WIPF2: variants seen among roughly 807,000 people sequenced by gnomAD.
WIPF2 encodes the protein WAS/WASL interacting protein family member 2.
Under a neutral mutation model 38.8 loss-of-function variants are expected in WIPF2, and 23 were observed. That is an observed-to-expected ratio of 0.59 (90% confidence interval 0.43 to 0.84). WIPF2 has a LOEUF of 0.84. WIPF2 is among the 40% of genes least tolerant of loss of function. The probability of loss-of-function intolerance (pLI) is 0.00; values close to 1 mark genes in which losing one functional copy is unlikely to be tolerated. For missense variants in WIPF2, 574 were observed against 580.5 expected (o/e 0.99, Z 0.11); for synonymous variants, 210 against 223.2 (o/e 0.94, Z 0.53).
chr17:40,233,111 T>C (rs1458058885), intron 1 of WIPF2, among the ~76,000 whole-genome samples: 3 of 152,242 alleles, frequency 2.0e-5, no homozygotes, highest in African/African-American at 7.2e-5. Flanking sequence ...GCCAGCCTGC[T>C]GCCATTTGAG....
At chr17:40,222,573 A>ATG (rs1009655826) in intron 1 of WIPF2, among the ~76,000 whole-genome samples, 2 of 140,052 alleles carry the variant, frequency 1.4e-5, no homozygotes, top group South Asian at 4.6e-4. Context: ...AGCCTTGCTC[A>ATG]TGTGTGTGTG....
At chr17:40,225,041 C>T (rs899190468) in intron 1 of WIPF2, among the ~76,000 whole-genome samples, 6 of 151,922 alleles carry the variant, frequency 3.9e-5, no homozygotes, top group African/African-American at 1.5e-4. Context: ...CGTTCCATGT[C>T]AAAATGAGGT....
intron 1 of WIPF2, among the ~76,000 whole-genome samples, chr17:40,226,041 A>AGTAATTAT (rs747094698): frequency 1.7e-4 from 26 of 152,194 alleles, no homozygotes; most frequent in Non-Finnish European, 3.2e-4. Flanking sequence ...GTTTTTAGCA[A>AGTAATTAT]GTAATTATGA....
intron 5 of WIPF2, 128 bp from the exon 6 acceptor site, chr17:40,273,662 G>A (rs2032305627): frequency 1.6e-6 from 1 of 639,222 alleles, no homozygotes; most frequent in African/African-American, 1.9e-5. Flanking sequence ...CAAGTAATAA[G>A]GACAAAGGGG....
At chr17:40,261,035 TA>T (rs34087528) in intron 3 of WIPF2, among the ~76,000 whole-genome samples, 16,465 of 93,550 alleles carry the variant, frequency 0.18, 1,078 homozygotes, top group East Asian at 0.29. Flanking sequence ...CTCAAAAAGG[TA>T]AAAAAAAAAA....
At chr17:40,275,705 A>G (rs2032376548) in intron 6 of WIPF2, among the ~76,000 whole-genome samples, 1 of 152,102 alleles carries the variant, frequency 6.6e-6, no homozygotes, top group Non-Finnish European at 1.5e-5. Flanking sequence ...AGCTGGGACC[A>G]CAGGTGTGCA....
chr17:40,232,739 A>G (rs2145295478), intron 1 of WIPF2, among the ~76,000 whole-genome samples: 1 of 151,272 alleles, frequency 6.6e-6, no homozygotes, highest in African/African-American at 2.4e-5. Context: ...TCCTGGTTCA[A>G]GCGATTCTCC....
Position 40,250,607 on chromosome 17 carries a change from C to T in WIPF2, c.-69-5784C>T, listed in dbSNP as rs149951934. 3.2e-3 allele frequency among the ~76,000 whole-genome samples: 479 copies of T among 151,962 alleles called. 5 individuals carry two copies. Among genetic ancestry groups the T allele is most frequent in the African/African-American group, 0.011 (455 of 41,456 alleles). ...AAAGGAATGAGAATTACTGTGTTTCCGAACTTGAGGCAGCCTCAAGATGTT... is the reference window on the plus strand; with the variant it reads ...AAAGGAATGAGAATTACTGTGTTTCTGAACTTGAGGCAGCCTCAAGATGTT... On this transcript the variant is annotated intron_variant, in intron 1 of 7. Transcript: ENST00000323571.
intron 1 of WIPF2, among the ~76,000 whole-genome samples, chr17:40,246,027 T>C (rs1366665697): frequency 6.6e-6 from 1 of 152,132 alleles, no homozygotes; most frequent in South Asian, 2.1e-4. Context: ...GTTTCTGGCA[T>C]GTTGATCCAT....
At chr17:40,277,530 G>T (rs1437771052) in intron 7 of WIPF2, among the ~76,000 whole-genome samples, 1 of 151,816 alleles carries the variant, frequency 6.6e-6, no homozygotes, top group East Asian at 1.9e-4. Flanking sequence ...AAATACAAAA[G>T]ATTAGCTGGG....
In WIPF2 at chr17:40,246,799, T is replaced by G. The variant is rs755065865; in HGVS notation, c.-69-9592T>G. On this transcript the variant is annotated intron_variant, in intron 1 of 7. Coordinates refer to ENST00000323571, the MANE Select transcript of WIPF2 (RefSeq NM_133264.5). ...AATGAGAGAGAACCCTAGAAAGATA[T>G]GGTACTGTCTGTGCTTAAGAACTCA... is the stretch of plus-strand genomic sequence containing the variant. Among the ~76,000 whole-genome samples the G allele has an allele frequency of 2.6e-5, 4 of 152,014 alleles. No individual in the cohort carries two copies. The South Asian group carries it at 8.3e-4, about 32-fold the overall frequency.
chr17:40,262,335 G>C lies in WIPF2; in HGVS notation c.197-190G>C, dbSNP rs570377178. Among the ~76,000 whole-genome samples, 3 of 151,616 alleles carry C rather than the reference G, an allele frequency of 2.0e-5. No homozygotes were observed. In the East Asian group the frequency reaches 5.9e-4, roughly 30 times the overall value. On this transcript the variant is annotated intron_variant, in intron 3 of 7. Transcript: ENST00000323571. The stretch of plus-strand genomic sequence containing the variant: ...TGAGCTTAAGTGATCCTCCCATCTT[G>C]GCCTCCCAAAATGCTGGGATTAGCA...
At chr17:40,233,180 T>G (rs1444645569) in intron 1 of WIPF2, among the ~76,000 whole-genome samples, 2 of 152,164 alleles carry the variant, frequency 1.3e-5, no homozygotes, top group East Asian at 3.9e-4. Flanking sequence ...ATTTTTTGTT[T>G]TGTTTGGGAT....
chr17:40,237,211 C>T (rs1043803750), intron 1 of WIPF2, among the ~76,000 whole-genome samples: 1 of 147,994 alleles, frequency 6.8e-6, no homozygotes, highest in Admixed American at 6.7e-5. Context: ...TAGGTTGGTA[C>T]TCTAATTTTT....
chr17:40,266,763 A>G (rs1396856163), intron 5 of WIPF2, among the ~76,000 whole-genome samples: 3 of 152,166 alleles, frequency 2.0e-5, no homozygotes, highest in Non-Finnish European at 4.4e-5. Context: ...AAATTGAATC[A>G]GAAGAGAGGG....
In WIPF2 at chr17:40,281,545, G is replaced by A. The variant is rs2032545517; in HGVS notation, c.*3320G>A. The stretch of plus-strand genomic sequence containing the variant: ...GGATGTGAGGCTGCTGTCTACAGGA[G>A]CTCATCCCAGCCCTGTTAACTGGCA... On this transcript the variant is annotated 3_prime_UTR_variant, in exon 8 of 8. Coordinates refer to ENST00000323571, the MANE Select transcript of WIPF2 (RefSeq NM_133264.5). 6.6e-6 allele frequency: 1 copy of A among 152,370 alleles called. No homozygotes were observed. The highest frequency in any genetic ancestry group is 2.1e-4 in the South Asian group (1 of 4,832). 9.4% of individuals were successfully genotyped at this position (152,370 alleles called of 1,614,324 possible). A position where few individuals can be genotyped will look rare whatever the true frequency, so the allele number is the denominator to read the frequency against.
intron 7 of WIPF2, among the ~76,000 whole-genome samples, chr17:40,277,739 T>TTTTTTTC (rs1214706671): frequency 6.8e-6 from 1 of 147,338 alleles, no homozygotes; most frequent in African/African-American, 2.6e-5. Flanking sequence ...TTTTTTTTTT[T>TTTTTTTC]TTTGAGATAG....
Position 40,281,117 on chromosome 17 carries a change from A to G in WIPF2, c.*2892A>G, listed in dbSNP as rs762588950. The G allele has an allele frequency of 2.6e-5, 4 of 152,268 alleles. No homozygotes were observed. Among genetic ancestry groups the G allele is most frequent in the Non-Finnish European group, 5.9e-5 (4 of 68,030 alleles). 9.4% of individuals were successfully genotyped at this position (152,268 alleles called of 1,614,324 possible). ...CTGCTCTTTTTATCTGCTTGTGGGA[A>G]TGTCGTCTCTTTCGTGGAAGATTGG... On this transcript the variant is annotated 3_prime_UTR_variant, in exon 8 of 8. Transcript: ENST00000323571.
intron 5 of WIPF2, among the ~76,000 whole-genome samples, chr17:40,267,579 G>A (rs1453840225): frequency 3.9e-5 from 6 of 151,918 alleles, no homozygotes; most frequent in Non-Finnish European, 2.9e-5. Flanking sequence ...TTGCTCTTTC[G>A]CCCAGGCTGG....
Sources: gnomAD v4.1 joint callset for allele counts (sites outside exome capture counted in the v4.1 genomes callset) on GRCh38, gnomAD v4.1.1 for gene constraint, MANE v1.5 for transcripts, NCBI Gene and HGNC (gene_info 2026-07-23, HGNC 2026-07-21) for gene names.